ITGA4: variants seen among roughly 807,000 people sequenced by gnomAD.
ITGA4 encodes the protein integrin alpha-4.
Under a neutral mutation model 133.6 loss-of-function variants are expected in ITGA4, and 63 were observed. The ratio of observed to expected loss-of-function variants is 0.47; its 90% confidence interval spans 0.38 to 0.58. The LOEUF is 0.58. Among genes scored for constraint, ITGA4 ranks in the 20% least tolerant of loss-of-function variants. ITGA4 has a pLI of 0.00. For missense variants in ITGA4, 1,076 were observed against 1,252.7 expected, an observed-to-expected ratio of 0.86 and a Z score of 2.13; for synonymous variants, 483 against 438.0, an observed-to-expected ratio of 1.10 and a Z score of -1.28.
rs1015346097 is a variant in ITGA4, at chr2:181,516,131, A to G, written c.1922+4356A>G. 1.3e-5 allele frequency among the ~76,000 whole-genome samples: 2 copies of G among 152,182 alleles called. No individual in the cohort carries two copies. Among genetic ancestry groups the G allele is most frequent in the African/African-American group, 4.8e-5 (2 of 41,564 alleles). On this transcript the variant is annotated intron_variant, in intron 17 of 27. Coordinates refer to ENST00000397033, the MANE Select transcript of ITGA4 (RefSeq NM_000885.6). This position sits in a 1 kb window ranked among gnomAD's most constrained non-coding sequence, Gnocchi z 4.0. ...GACTTCAAGATTACAAATATAATAG[A>G]AGGTATTAGCCATCACATAGGGAGT...
Position 181,531,640 on chromosome 2 carries a change from T to G in ITGA4, c.2665-17T>G, listed in dbSNP as rs1459056754. Reference sequence around the variant, plus strand: ...ATGTTGAAAATTTTAATGTAGCACTTTTATATTCCCTTCAAGTACTGCATA... The same window carrying G: ...ATGTTGAAAATTTTAATGTAGCACTGTTATATTCCCTTCAAGTACTGCATA... On this transcript the variant is annotated splice_polypyrimidine_tract_variant and intron_variant, in intron 24 of 27. Transcript: ENST00000397033. 2 of 1,502,254 alleles carry G rather than the reference T, an allele frequency of 1.3e-6. No individual in the cohort carries two copies. Among genetic ancestry groups the G allele is most frequent in the Non-Finnish European group, 1.8e-6 (2 of 1,111,396 alleles). 93.1% of individuals were successfully genotyped at this position (1,502,254 alleles called of 1,614,324 possible).
In ITGA4 at chr2:181,488,724, A is replaced by G. The variant is rs574322569; in HGVS notation, c.1153+2732A>G. On this transcript the variant is annotated intron_variant, in intron 10 of 27. Transcript: ENST00000397033. ...CAGGCACCCGCCACCACCCCAGCTAATTTTTTTGTGTTTTTAGTAGAGACA... is the reference window on the plus strand; with the variant it reads ...CAGGCACCCGCCACCACCCCAGCTAGTTTTTTTGTGTTTTTAGTAGAGACA... Among the ~76,000 whole-genome samples, 6 of 151,760 alleles carry G rather than the reference A, an allele frequency of 4.0e-5. No homozygotes were observed. In the South Asian group the frequency reaches 1.3e-3, roughly 32 times the overall value.
chr2:181,480,236 CA>C lies in ITGA4; in HGVS notation c.728del (p.Asn243IlefsTer3). ...TNKYKAFLDK[Q>X]NQVKFGSYLG... ...TAAATACAAGGCTTTTTTAGACAAA[CA>C]AAATCAAGTAAAATTTGGAAGTTAT... On this transcript the variant is annotated frameshift_variant, in exon 6 of 28. Coordinates refer to ENST00000397033, the MANE Select transcript of ITGA4 (RefSeq NM_000885.6). LOFTEE classifies it high-confidence loss of function. 6.8e-7 allele frequency: 1 copy of C among 1,466,774 alleles called. No homozygotes were observed. Among genetic ancestry groups the C allele is most frequent in the Non-Finnish European group, 9.1e-7 (1 of 1,095,996 alleles). 90.9% of individuals were successfully genotyped at this position (1,466,774 alleles called of 1,614,324 possible). A position where few individuals can be genotyped will look rare whatever the true frequency, so the allele number is the denominator to read the frequency against.
In ITGA4 at chr2:181,527,344, A is replaced by G. The variant is rs1404745140; in HGVS notation, c.2387A>G (p.Glu796Gly). 2 of 1,613,174 alleles carry G rather than the reference A, an allele frequency of 1.2e-6. No homozygotes were observed. The highest frequency in any genetic ancestry group is 1.7e-6 in the Non-Finnish European group (2 of 1,179,298). Residue 796 changes from glutamate (E) to glycine (G), a missense_variant, in exon 22 of 28, where the codon GAG (glutamate) becomes GGG (glycine). Transcript: ENST00000397033. The stretch of plus-strand genomic sequence containing the variant: ...GTGTATGGATCAAATGATGAAAATG[A>G]GCCTGAAACGTGCATGGTGGAGAAA... ...SFVYGSNDEN[E>G]PETCMVEKMN...
chr2:181,534,911 A>G lies in ITGA4; in HGVS notation c.2979A>G (p.Leu993=), dbSNP rs2124443. Residue 993 remains leucine, a synonymous_variant, in exon 27 of 28, where the codon CTA becomes CTG. Coordinates refer to ENST00000397033, the MANE Select transcript of ITGA4 (RefSeq NM_000885.6). ...SSLLLGLIVL[L]LISYVMWKAG... ...TGCTACTTGGACTTATTGTACTTCTATTGATCTCATATGTTATGTGGAAGG... is the reference window on the plus strand; with the variant it reads ...TGCTACTTGGACTTATTGTACTTCTGTTGATCTCATATGTTATGTGGAAGG... 1,580,350 of 1,580,958 alleles carry G rather than the reference A, an allele frequency of 1. 789,875 individuals are homozygous for G. The highest frequency in any genetic ancestry group is 1 in the Non-Finnish European group (1,169,275 of 1,169,290).
At chr2:181,482,137 T>C (rs1361358969) in intron 7 of ITGA4, among the ~76,000 whole-genome samples, 1 of 152,196 alleles carries the variant, frequency 6.6e-6, no homozygotes, top group Admixed American at 6.6e-5. Context: ...GCCCCCTCTA[T>C]AGGATCAATA....
intron 2 of ITGA4, among the ~76,000 whole-genome samples, chr2:181,460,735 A>T (rs1423090617): frequency 6.6e-6 from 1 of 152,136 alleles, no homozygotes; most frequent in Non-Finnish European, 1.5e-5. Flanking sequence ...TGTTTACTTA[A>T]ATCTATTATC....
At chr2:181,510,508 T>C (rs1052274154) in intron 16 of ITGA4, among the ~76,000 whole-genome samples, 6 of 152,102 alleles carry the variant, frequency 3.9e-5, no homozygotes, top group African/African-American at 1.4e-4. Context: ...TGTCTGGGCA[T>C]AGTAAAAAGC....
chr2:181,464,275 A>G (rs540869834), intron 2 of ITGA4, among the ~76,000 whole-genome samples: 1 of 152,286 alleles, frequency 6.6e-6, no homozygotes, highest in Admixed American at 6.5e-5. Flanking sequence ...GAATTAGTTC[A>G]TTAGTAACCT....
At chr2:181,466,220 T>C (rs905002014) in intron 2 of ITGA4, among the ~76,000 whole-genome samples, 2 of 151,974 alleles carry the variant, frequency 1.3e-5, no homozygotes, top group Non-Finnish European at 2.9e-5. Context: ...ATTTATAAAA[T>C]TGCAACCATA....
At chr2:181,474,646 G>A (rs963443816) in intron 2 of ITGA4, among the ~76,000 whole-genome samples, 1 of 152,206 alleles carries the variant, frequency 6.6e-6, no homozygotes, top group African/African-American at 2.4e-5. Context: ...GTTAGACACA[G>A]CAGTTATAGT....
chr2:181,501,646 A>G (rs1374010863), intron 15 of ITGA4, among the ~76,000 whole-genome samples: 1 of 152,142 alleles, frequency 6.6e-6, no homozygotes, highest in African/African-American at 2.4e-5. Context: ...CCAATTTACA[A>G]TTTGCTGAGA....
At chr2:181,519,535 T>C (rs949638155) in intron 17 of ITGA4, among the ~76,000 whole-genome samples, 8 of 152,140 alleles carry the variant, frequency 5.3e-5, no homozygotes, top group Admixed American at 6.6e-5. Context: ...ATTAGAGTTA[T>C]AAAAGTGGGG....
rs1167490476 is a variant in ITGA4 at position 181,537,413 on chromosome 2, T to TGTTA, written c.*1887_*1890dup. The TGTTA allele has an allele frequency of 2.2e-6, 1 of 453,872 alleles. No individual in the cohort carries two copies. Among genetic ancestry groups the TGTTA allele is most frequent in the East Asian group, 6.9e-5 (1 of 14,392 alleles). The allele number at this position is 453,872 out of a possible 1,614,324, so 28.1% of individuals were successfully genotyped here. A position where few individuals can be genotyped will look rare whatever the true frequency, so the allele number is the denominator to read the frequency against. On this transcript the variant is annotated 3_prime_UTR_variant, in exon 28 of 28. Transcript: ENST00000397033. ...ATTTTGCCCAGTTCAAAATAGTATTTGTTATCAACTTACTTTGTTACTTGT... is the reference window on the plus strand; with the variant it reads ...ATTTTGCCCAGTTCAAAATAGTATTTGTTAGTTATCAACTTACTTTGTTACTTGT...
Position 181,495,612 on chromosome 2 carries a change from A to G in ITGA4, c.1386-171A>G, listed in dbSNP as rs776666375. Among the ~76,000 whole-genome samples the G allele has an allele frequency of 1.3e-5, 2 of 152,232 alleles. No individual in the cohort carries two copies. The highest frequency in any genetic ancestry group is 3.2e-3 in the Middle Eastern group (1 of 316). On this transcript the variant is annotated intron_variant, in intron 13 of 27. Transcript: ENST00000397033. The surrounding 1 kb of genome is among the most constrained non-coding windows in gnomAD (Gnocchi z 4.3). ...ATCATCAAAGTCAATATTTTTAGACATTTAAATAAAAAGTTATTTTGCCCT... is the reference window on the plus strand; with the variant it reads ...ATCATCAAAGTCAATATTTTTAGACGTTTAAATAAAAAGTTATTTTGCCCT...
chr2:181,486,218 G>A, intron 10 of ITGA4: 1 of 438,928 alleles, frequency 2.3e-6, no homozygotes, highest in East Asian at 4.5e-5. Context: ...CCTTATTTCA[G>A]TGATTCTAAG....
chr2:181,461,861 C>T lies in ITGA4; in HGVS notation c.319+3544C>T, dbSNP rs1054117549. Among the ~76,000 whole-genome samples, 7 of 152,084 alleles carry T rather than the reference C, an allele frequency of 4.6e-5. No homozygotes were observed. The East Asian group carries it at 5.8e-4, about 13-fold the overall frequency. ...GAACACATAAAATGTGGCTAGTCAG[C>T]GATGAGAGGGCTGTAATGTAAATTA... is the stretch of plus-strand genomic sequence containing the variant. On this transcript the variant is annotated intron_variant, in intron 2 of 27. Coordinates refer to ENST00000397033, the MANE Select transcript of ITGA4 (RefSeq NM_000885.6).
chr2:181,457,445 C>A lies in ITGA4; in HGVS notation c.-210C>A, dbSNP rs1401572646. 3 of 528,542 alleles carry A rather than the reference C, an allele frequency of 5.7e-6. No individual in the cohort carries two copies. The highest frequency in any genetic ancestry group is 4.1e-5 in the African/African-American group (2 of 49,096). 32.7% of individuals were successfully genotyped at this position (528,542 alleles called of 1,614,324 possible). On this transcript the variant is annotated 5_prime_UTR_variant, in exon 1 of 28. Coordinates refer to ENST00000397033, the MANE Select transcript of ITGA4 (RefSeq NM_000885.6). ...GGCAGAAACCGGGAGTGGGGCCGGG[C>A]GAGTGCGCGGCATCCCAGGCCGGCC...
rs200326847 is a variant in ITGA4, at chr2:181,466,296, TA to T, written c.319+7988del. On this transcript the variant is annotated intron_variant, in intron 2 of 27. Transcript: ENST00000397033. ...TCTTTCTAAATAGAATAGAATAAGA[TA>T]AAAAAAAATAGCTGAAATAACTGGC... Among the ~76,000 whole-genome samples, 51 of 150,992 alleles carry T rather than the reference TA, an allele frequency of 3.4e-4. 1 individual carries two copies. The highest frequency in any genetic ancestry group is 2.3e-3 in the Admixed American group (35 of 15,140).
Sources: allele counts gnomAD v4.1 joint callset (sites outside exome capture counted in the v4.1 genomes callset), GRCh38; gene constraint gnomAD v4.1.1; non-coding constraint Gnocchi (gnomAD v3.1); transcripts MANE v1.5; gene names NCBI Gene and HGNC (gene_info 2026-07-23, HGNC 2026-07-21).